The following GPR39 variants were observed in gnomAD, a reference collection of about 807,000 sequenced individuals.
GPR39 encodes zinc sensing receptor.
A neutral mutation model predicts 18.4 loss-of-function variants in GPR39; 23 were observed. That is an observed-to-expected ratio of 1.25 (90% CI 0.90 to 1.77). GPR39 has a LOEUF of 1.77. Among genes scored for constraint, GPR39 ranks in the 40% most tolerant of loss-of-function variants. The pLI, the probability that GPR39 is intolerant of heterozygous loss-of-function variation, is 0.00. For synonymous variants in GPR39, 280 were observed against 257.9 expected (o/e 1.09, Z -0.82); for missense variants, 647 against 602.4 (o/e 1.07, Z -0.78).
At chr2:132,513,548 A>C (rs1439336871) in intron 1 of GPR39, among the ~76,000 whole-genome samples, 1 of 145,006 alleles carries the variant, frequency 6.9e-6, no homozygotes, top group African/African-American at 2.9e-5. Context: ...GCAGCTTGGG[A>C]AGTCTGTCTA....
chr2:132,417,833 C>G lies in GPR39; in HGVS notation c.791C>G (p.Pro264Arg). The stretch of plus-strand genomic sequence containing the variant: ...TCGCTGGCCGGGGGCACGCGGCCTC[C>G]GCAGCTGAGGAAGTCCGAGAGCGAA... ...KGSLAGGTRPPQLRKSESEES... is the reference protein window; with the variant it reads ...KGSLAGGTRPRQLRKSESEES... The change falls in exon 1 of 2, where the codon CCG becomes CGG. Residue 264 changes from proline to arginine, a missense_variant. Pro to Arg is a moderately radical substitution (Grantham distance 103). Transcript: ENST00000329321. 3 of 1,613,464 alleles carry G rather than the reference C, an allele frequency of 1.9e-6. No homozygotes were observed. Among genetic ancestry groups the G allele is most frequent in the Non-Finnish European group, 2.5e-6 (3 of 1,180,014 alleles).
At chr2:132,569,441 G>T (rs367800784) in intron 1 of GPR39, among the ~76,000 whole-genome samples, 2 of 152,208 alleles carry the variant, frequency 1.3e-5, no homozygotes, top group East Asian at 3.9e-4. Context: ...GCTACTGGTC[G>T]TGCAAAGGCT....
chr2:132,564,226 C>T (rs1172253589), intron 1 of GPR39, among the ~76,000 whole-genome samples: 1 of 152,152 alleles, frequency 6.6e-6, no homozygotes, highest in African/African-American at 2.4e-5. Context: ...TGTTAGTTTA[C>T]ACATTAAACC....
intron 1 of GPR39, among the ~76,000 whole-genome samples, chr2:132,493,191 TAC>T (rs1183117058): frequency 1.5e-5 from 2 of 137,562 alleles, no homozygotes. Flanking sequence ...ACCATATATA[TAC>T]ACCATATATA....
intron 1 of GPR39, among the ~76,000 whole-genome samples, chr2:132,633,604 C>T (rs1458485546): frequency 6.6e-6 from 1 of 152,108 alleles, no homozygotes; most frequent in Non-Finnish European, 1.5e-5. Flanking sequence ...TCAGCCTTCT[C>T]CTAGATCTCT....
chr2:132,625,750 T>A (rs372969779), intron 1 of GPR39, among the ~76,000 whole-genome samples: 1 of 152,344 alleles, frequency 6.6e-6, no homozygotes, highest in African/African-American at 2.4e-5. Flanking sequence ...TGTGATCATC[T>A]GCCTTAGCTT....
intron 1 of GPR39, among the ~76,000 whole-genome samples, chr2:132,536,148 T>G (rs928925780): frequency 6.6e-6 from 1 of 152,190 alleles, no homozygotes; most frequent in African/African-American, 2.4e-5. Context: ...CTGTAGTTCT[T>G]TTAATTGTGA....
At chr2:132,614,620 G>C (rs534801179) in intron 1 of GPR39, among the ~76,000 whole-genome samples, 1 of 150,978 alleles carries the variant, frequency 6.6e-6, no homozygotes, top group East Asian at 2.0e-4. Flanking sequence ...GTGCTGTCTC[G>C]GCTCACTGCA....
At chr2:132,494,520 G>T (rs12471004) in intron 1 of GPR39, among the ~76,000 whole-genome samples, 2 of 152,040 alleles carry the variant, frequency 1.3e-5, no homozygotes, top group African/African-American at 4.8e-5. Context: ...GAGAATTTTC[G>T]CTCAGGCCTT....
chr2:132,480,040 C>T (rs998147001), intron 1 of GPR39, among the ~76,000 whole-genome samples: 1 of 152,140 alleles, frequency 6.6e-6, no homozygotes, highest in Non-Finnish European at 1.5e-5. Context: ...TGTCCATCAA[C>T]AGATGGTATA....
chr2:132,449,715 A>G (rs1680600245), intron 1 of GPR39, among the ~76,000 whole-genome samples: 1 of 129,736 alleles, frequency 7.7e-6, no homozygotes, highest in Admixed American at 8.0e-5. Context: ...ATTTTAATGA[A>G]GCACTGATCC....
intron 1 of GPR39, among the ~76,000 whole-genome samples, chr2:132,578,773 A>C (rs1400037213): frequency 6.6e-6 from 1 of 152,012 alleles, no homozygotes; most frequent in African/African-American, 2.4e-5. Context: ...GTTATCAAAT[A>C]TATTGTGTAG....
At chr2:132,598,677 T>C (rs1680990248) in intron 1 of GPR39, among the ~76,000 whole-genome samples, 1 of 152,012 alleles carries the variant, frequency 6.6e-6, no homozygotes, top group Admixed American at 6.6e-5. Flanking sequence ...TCCACAAGCA[T>C]CCCAGTCCAC....
Position 132,543,479 on chromosome 2 carries a change from C to G in GPR39, c.857-101622C>G, listed in dbSNP as rs76542062. Among the ~76,000 whole-genome samples the G allele has an allele frequency of 1.9e-3, 295 of 152,136 alleles. 1 individual carries two copies. The highest frequency in any genetic ancestry group is 6.9e-3 in the African/African-American group (286 of 41,510). On this transcript the variant is annotated intron_variant, in intron 1 of 1. Transcript: ENST00000329321. ...CCAGGGTCGCTTCCCTTACTATCTT[C>G]CTAAAGCAAGCTGGCTAACTCCTTT... is the stretch of plus-strand genomic sequence containing the variant.
chr2:132,601,014 G>A (rs1376238230), intron 1 of GPR39, among the ~76,000 whole-genome samples: 2 of 152,116 alleles, frequency 1.3e-5, no homozygotes, highest in Admixed American at 6.6e-5. Flanking sequence ...GCTCTTGCTT[G>A]TAAGTAAGAA....
At chr2:132,449,895 C>A (rs1271473815) in intron 1 of GPR39, among the ~76,000 whole-genome samples, 1 of 152,158 alleles carries the variant, frequency 6.6e-6, no homozygotes, top group East Asian at 1.9e-4. Flanking sequence ...AATTTTACAT[C>A]TCCTACACCT....
At chr2:132,492,140 T>C (rs1256009120) in intron 1 of GPR39, among the ~76,000 whole-genome samples, 3 of 148,374 alleles carry the variant, frequency 2.0e-5, no homozygotes, top group South Asian at 4.2e-4. Flanking sequence ...ATACATACCA[T>C]ATATATACAC....
intron 1 of GPR39, among the ~76,000 whole-genome samples, chr2:132,426,187 G>T (rs1422272238): frequency 6.6e-6 from 1 of 152,164 alleles, no homozygotes; most frequent in Non-Finnish European, 1.5e-5. Context: ...GCCATTCACA[G>T]ATCCACCAAC....
intron 1 of GPR39, among the ~76,000 whole-genome samples, chr2:132,453,997 G>C (rs1484591267): frequency 6.6e-6 from 1 of 152,192 alleles, no homozygotes; most frequent in Non-Finnish European, 1.5e-5. Context: ...CTTTAAAGTA[G>C]TTTTTTCCAA....
Sources: gnomAD v4.1 joint callset for allele counts (sites outside exome capture counted in the v4.1 genomes callset) on GRCh38, gnomAD v4.1.1 for gene constraint, MANE v1.5 for transcripts, NCBI Gene and HGNC (gene_info 2026-07-23, HGNC 2026-07-21) for gene names.